SLC24A3: variants seen among roughly 807,000 people sequenced by gnomAD.
SLC24A3 encodes sodium/potassium/calcium exchanger 3.
Under a neutral mutation model 75.8 loss-of-function variants are expected in SLC24A3, and 28 were observed. The observed-to-expected ratio is 0.37, with a 90% CI of 0.27 to 0.51. The LOEUF is 0.51. SLC24A3 is among the 20% of genes least tolerant of loss of function. The pLI is 0.94. For synonymous variants in SLC24A3, 372 were observed against 334.1 expected, an observed-to-expected ratio of 1.11 and a Z score of -1.24; for missense variants, 663 against 847.8, an observed-to-expected ratio of 0.78 and a Z score of 2.71.
At chr20:19,213,593 G>A (rs907980121) in intron 1 of SLC24A3, 11 of 152,318 alleles carry the variant, frequency 7.2e-5, no homozygotes, top group Non-Finnish European at 1.5e-4. Context: ...GGAAGACAGG[G>A]AATTCTTCCT....
intron 2 of SLC24A3, among the ~76,000 whole-genome samples, chr20:19,373,594 A>C (rs901770631): frequency 6.6e-6 from 1 of 152,180 alleles, no homozygotes; most frequent in African/African-American, 2.4e-5. Flanking sequence ...TTTTGCCACT[A>C]TATATATAGA....
At chr20:19,709,525 G>A (rs1451309313) in intron 15 of SLC24A3, among the ~76,000 whole-genome samples, 2 of 152,206 alleles carry the variant, frequency 1.3e-5, no homozygotes, top group Non-Finnish European at 2.9e-5. Flanking sequence ...GGGAGGCTGA[G>A]GCAGGAGAAT....
chr20:19,232,649 G>A (rs1349694916), intron 1 of SLC24A3, among the ~76,000 whole-genome samples: 1 of 152,236 alleles, frequency 6.6e-6, no homozygotes, highest in Non-Finnish European at 1.5e-5. Context: ...CACTAGCTGG[G>A]AAAGCCACTG....
chr20:19,489,417 A>G (rs932063053), intron 2 of SLC24A3, among the ~76,000 whole-genome samples: 9 of 152,220 alleles, frequency 5.9e-5, no homozygotes, highest in African/African-American at 1.9e-4. Context: ...CACATGACTC[A>G]AAAGTATAAA....
At chr20:19,404,602 G>A (rs1366654834) in intron 2 of SLC24A3, among the ~76,000 whole-genome samples, 2 of 152,150 alleles carry the variant, frequency 1.3e-5, no homozygotes, top group Admixed American at 6.5e-5. Context: ...TGATGATTTG[G>A]GCATGAGTTT....
intron 2 of SLC24A3, among the ~76,000 whole-genome samples, chr20:19,363,947 A>G (rs1267351201): frequency 6.6e-6 from 1 of 152,130 alleles, no homozygotes; most frequent in African/African-American, 2.4e-5. Flanking sequence ...TTGGTCAGGC[A>G]GGTGGGCTTG....
intron 6 of SLC24A3, among the ~76,000 whole-genome samples, chr20:19,612,809 C>A (rs1052722632): frequency 7.9e-5 from 12 of 152,136 alleles, no homozygotes; most frequent in Non-Finnish European, 1.5e-4. Flanking sequence ...CTGTGCCCCA[C>A]CAAGCACTCA....
At chr20:19,661,535 G>A (rs1337697618) in intron 7 of SLC24A3, among the ~76,000 whole-genome samples, 3 of 152,114 alleles carry the variant, frequency 2.0e-5, no homozygotes, top group Non-Finnish European at 4.4e-5. Context: ...GTCTACGGGG[G>A]GCTGTTTTCT....
At chr20:19,235,797 C>T (rs1485506427) in intron 1 of SLC24A3, among the ~76,000 whole-genome samples, 1 of 152,212 alleles carries the variant, frequency 6.6e-6, no homozygotes, top group Non-Finnish European at 1.5e-5. Flanking sequence ...TTCTCCATTA[C>T]CTACAAGGTG....
chr20:19,657,339 G>A (rs944563640), intron 7 of SLC24A3, among the ~76,000 whole-genome samples: 6 of 152,218 alleles, frequency 3.9e-5, no homozygotes, highest in African/African-American at 1.4e-4. Flanking sequence ...TAGTTCAACA[G>A]GCTCTTGGGT....
chr20:19,221,355 A>G (rs1370358704), intron 1 of SLC24A3, among the ~76,000 whole-genome samples: 1 of 152,148 alleles, frequency 6.6e-6, no homozygotes, highest in Non-Finnish European at 1.5e-5. Flanking sequence ...GCCAGCTGTC[A>G]TCTTCCCATT....
chr20:19,575,803 A>G (rs1568660667), intron 3 of SLC24A3, among the ~76,000 whole-genome samples: 1 of 152,200 alleles, frequency 6.6e-6, no homozygotes, highest in Non-Finnish European at 1.5e-5. Context: ...TTGATAAAGA[A>G]CTTCAACGGC....
intron 9 of SLC24A3, among the ~76,000 whole-genome samples, chr20:19,678,606 A>C (rs1600335776): frequency 8.1e-6 from 1 of 123,260 alleles, no homozygotes; most frequent in Non-Finnish European, 1.7e-5. Context: ...GGCGCCCCTC[A>C]CCTCCCGGAC....
chr20:19,457,802 G>A (rs75955244), intron 2 of SLC24A3, among the ~76,000 whole-genome samples: 2,278 of 152,306 alleles, frequency 0.015, 66 homozygotes, highest in African/African-American at 0.05. Context: ...AGTCAGCTGT[G>A]AGAGCTGAGC....
At chr20:19,386,800 T>C (rs1182916436) in intron 2 of SLC24A3, among the ~76,000 whole-genome samples, 1 of 152,168 alleles carries the variant, frequency 6.6e-6, no homozygotes, top group Non-Finnish European at 1.5e-5. Flanking sequence ...TGATGTGTTG[T>C]TGGATTTAGC....
intron 7 of SLC24A3, among the ~76,000 whole-genome samples, chr20:19,663,417 T>TCCACCTCCA (rs1568689534): frequency 7.6e-4 from 28 of 37,040 alleles, no homozygotes; most frequent in African/African-American, 1.5e-3. Flanking sequence ...CACCTCCTCC[T>TCCACCTCCA]CCTCCTCCTC....
At chr20:19,321,368 G>A (rs1420413173) in intron 2 of SLC24A3, among the ~76,000 whole-genome samples, 2 of 152,148 alleles carry the variant, frequency 1.3e-5, no homozygotes, top group African/African-American at 2.4e-5. Context: ...TGGACTAAGC[G>A]TTTCCCAAGT....
At chr20:19,720,104 A>G (rs11908595) in intron 16 of SLC24A3, among the ~76,000 whole-genome samples, 20,283 of 152,250 alleles carry the variant, frequency 0.13, 1,606 homozygotes, top group African/African-American at 0.21. Flanking sequence ...TCTAGGCCCC[A>G]GTGCCACCCA....
rs559531637 is a variant in SLC24A3, at chr20:19,639,806, T to A, written c.613-14256T>A. 2.0e-5 allele frequency among the ~76,000 whole-genome samples: 3 copies of A among 152,296 alleles called. No homozygotes were observed. In the South Asian group the frequency reaches 6.2e-4, roughly 32 times the overall value. On this transcript the variant is annotated intron_variant, in intron 6 of 16. Transcript: ENST00000328041. ...AAGGCAGCTAAGGCCAGGTGAGAAA[T>A]AGACAGCAGCGCCGGTGGGCTGGCA... is the stretch of plus-strand genomic sequence containing the variant.
Sources: allele counts gnomAD v4.1 joint callset (sites outside exome capture counted in the v4.1 genomes callset), GRCh38; gene constraint gnomAD v4.1.1; transcripts MANE v1.5; gene names NCBI Gene and HGNC (gene_info 2026-07-23, HGNC 2026-07-21).